Variants in MED13 observed in about 807,000 individuals in gnomAD.
MED13 encodes the protein mediator of RNA polymerase II transcription subunit 13.
In MED13, 23 loss-of-function variants were observed where a neutral mutation model predicts 225.2. The ratio of observed to expected loss-of-function variants is 0.10; its 90% CI spans 0.07 to 0.14. The LOEUF is 0.14. Among genes scored for constraint, MED13 ranks in the 10% least tolerant of loss-of-function variants. The probability of loss-of-function intolerance (pLI) is 1.00; values close to 1 mark genes in which losing one functional copy is unlikely to be tolerated. For missense variants in MED13, 2,197 were observed against 2,594.5 expected, an observed-to-expected ratio of 0.85 and a Z score of 3.33; for synonymous variants, 942 against 889.2, an observed-to-expected ratio of 1.06 and a Z score of -1.06.
chr17:62,059,426 G>GT (rs1465551365), intron 2 of MED13, among the ~76,000 whole-genome samples: 2 of 152,200 alleles, frequency 1.3e-5, no homozygotes, highest in South Asian at 2.1e-4. Flanking sequence ...AAACACTTCA[G>GT]TAACAAGATG....
intron 18 of MED13, 79 bp downstream of exon 18, chr17:61,967,956 G>A (rs1042435432): frequency 4.1e-5 from 44 of 1,078,972 alleles, no homozygotes; most frequent in Admixed American, 1.2e-4. Context: ...CCAATCAACT[G>A]AACTGCCCAG....
Position 62,010,168 on chromosome 17 carries a change from C to T in MED13, c.1967+382G>A, listed in dbSNP as rs143803864. ...ACCCAGAGGCGGAAATTTCAGTGGG[C>T]CTAGATCGTGCCTCTACACTCTAGC... On this transcript the variant is annotated intron_variant, in intron 9 of 29. Coordinates refer to ENST00000397786, the MANE Select transcript of MED13 (RefSeq NM_005121.3). Among the ~76,000 whole-genome samples, 1,110 of 151,428 alleles carry T rather than the reference C, an allele frequency of 7.3e-3. 10 individuals carry two copies. The highest frequency in any genetic ancestry group is 0.025 in the African/African-American group (1,025 of 41,214).
chr17:62,064,810 TA>T, intron 1 of MED13, among the ~76,000 whole-genome samples: 1 of 152,058 alleles, frequency 6.6e-6, no homozygotes, highest in South Asian at 2.1e-4. Context: ...ACAGGGCCAA[TA>T]AGGAGAAAAG....
chr17:62,015,042 T>A (rs1334626171), intron 8 of MED13, among the ~76,000 whole-genome samples: 1 of 152,098 alleles, frequency 6.6e-6, no homozygotes, highest in Non-Finnish European at 1.5e-5. Context: ...CTGACCTAGT[T>A]TTACCAACCG....
chr17:62,047,721 TAAAC>T (rs929203192), intron 3 of MED13, among the ~76,000 whole-genome samples: 10 of 150,820 alleles, frequency 6.6e-5, no homozygotes, highest in East Asian at 3.9e-4. Context: ...AAAGTAAAAA[TAAAC>T]AAACAAATAA....
chr17:61,956,586 T>C (rs2079946984), intron 23 of MED13, 105 bp from the exon 24 acceptor site: 5 of 1,126,564 alleles, frequency 4.4e-6, no homozygotes, highest in Non-Finnish European at 6.3e-6. Flanking sequence ...CCAGGCTGGA[T>C]GGAGTGCAGT....
Position 61,965,050 on chromosome 17 carries a change from T to C in MED13, c.4800A>G (p.Glu1600=). The C allele has an allele frequency of 6.2e-7, 1 of 1,614,116 alleles. No homozygotes were observed. The highest frequency in any genetic ancestry group is 1.7e-5 in the Admixed American group (1 of 60,014). ...SALQTAGISG[E]SSSLPTQPHP... is the part of the protein sequence containing the mutation. ...GCGGCTGAGTGGGAAGTGAAGATGATTCTCCAGAAATCCCAGCTGTCTGTA... is the reference window on the plus strand; with the variant it reads ...GCGGCTGAGTGGGAAGTGAAGATGACTCTCCAGAAATCCCAGCTGTCTGTA... The change falls in exon 20 of 30, where the codon GAA becomes GAG. Residue 1600 remains glutamate (E), a synonymous_variant. Coordinates refer to ENST00000397786, the MANE Select transcript of MED13 (RefSeq NM_005121.3).
intron 3 of MED13, among the ~76,000 whole-genome samples, chr17:62,040,606 G>A (rs939058423): frequency 3.9e-5 from 6 of 152,196 alleles, no homozygotes; most frequent in Non-Finnish European, 7.3e-5. Context: ...CCATTTGCCA[G>A]TAGAGAATCC....
intron 10 of MED13, among the ~76,000 whole-genome samples, chr17:61,994,554 CA>C (rs1410202535): frequency 6.6e-6 from 1 of 152,128 alleles, no homozygotes; most frequent in Non-Finnish European, 1.5e-5. Context: ...AAATCACTGT[CA>C]AAATAGCCTA....
chr17:61,963,202 C>CAAA (rs11290002), intron 20 of MED13, among the ~76,000 whole-genome samples: 808 of 55,524 alleles, frequency 0.015, 1 homozygote, highest in Middle Eastern at 0.036. Flanking sequence ...TTAAATTTAC[C>CAAA]AAAAAAAAAA....
intron 8 of MED13, among the ~76,000 whole-genome samples, chr17:62,023,465 A>G (rs1225748142): frequency 6.6e-6 from 1 of 152,182 alleles, no homozygotes; most frequent in African/African-American, 2.4e-5. Flanking sequence ...GGATCTGCTC[A>G]GTAGTAACTG....
intron 3 of MED13, among the ~76,000 whole-genome samples, chr17:62,039,082 C>T (rs1014050722): frequency 3.3e-5 from 5 of 152,188 alleles, no homozygotes; most frequent in Admixed American, 2.0e-4. Flanking sequence ...AAGTACAAAA[C>T]ATGTAACCAA....
At chr17:61,991,145 G>A (rs1211565905) in intron 11 of MED13, among the ~76,000 whole-genome samples, 1 of 152,072 alleles carries the variant, frequency 6.6e-6, no homozygotes, top group African/African-American at 2.4e-5. Flanking sequence ...TTGAGACAGA[G>A]TCTCGCTCTG....
At chr17:62,028,836 C>T (rs938716222) in intron 8 of MED13, among the ~76,000 whole-genome samples, 2 of 151,892 alleles carry the variant, frequency 1.3e-5, no homozygotes, top group Non-Finnish European at 2.9e-5. Flanking sequence ...CAGAGCAAGA[C>T]TCCATCTCAA....
rs539667890 is a variant in MED13 at position 62,045,283 on chromosome 17, A to G, written c.470+7254T>C. ...TAGAAGCATTTAAAACTTTTGCTAA[A>G]TACACAAACTTTACCGCACACTCAG... On this transcript the variant is annotated intron_variant, in intron 3 of 29. Coordinates refer to ENST00000397786, the MANE Select transcript of MED13 (RefSeq NM_005121.3). Among the ~76,000 whole-genome samples, 22 of 152,328 alleles carry G rather than the reference A, an allele frequency of 1.4e-4. No homozygotes were observed. The East Asian group carries it at 3.7e-3, about 25-fold the overall frequency.
At chr17:62,023,450 T>C (rs771401163) in intron 8 of MED13, among the ~76,000 whole-genome samples, 6 of 152,292 alleles carry the variant, frequency 3.9e-5, no homozygotes, top group East Asian at 3.9e-4. Context: ...GCTAGAACCA[T>C]AGCAGGATCT....
chr17:61,986,939 TAAAAAATA>T, intron 12 of MED13, 60 bp downstream of exon 12: 3 of 1,144,624 alleles, frequency 2.6e-6, no homozygotes, highest in Non-Finnish European at 3.5e-6. Flanking sequence ...AAATCACTTC[TAAAAAATA>T]AAAAAATAAT....
chr17:62,027,090 A>C (rs2080709734), intron 8 of MED13, among the ~76,000 whole-genome samples: 1 of 152,246 alleles, frequency 6.6e-6, no homozygotes, highest in African/African-American at 2.4e-5. Context: ...AACTATTTTT[A>C]AATTTCTATG....
chr17:62,059,670 G>GA (rs1437751860), intron 2 of MED13, among the ~76,000 whole-genome samples: 1 of 152,068 alleles, frequency 6.6e-6, no homozygotes, highest in African/African-American at 2.4e-5. Context: ...TGGAAGAAAT[G>GA]AAAAAGGGGT....
Sources: allele counts gnomAD v4.1 joint callset (sites outside exome capture counted in the v4.1 genomes callset), GRCh38; gene constraint gnomAD v4.1.1; transcripts MANE v1.5; gene names NCBI Gene and HGNC (gene_info 2026-07-23, HGNC 2026-07-21).